The following PCDH15 variants were observed in gnomAD, a reference collection of about 807,000 sequenced individuals.
The protein encoded by PCDH15 is protocadherin-15.
Under a neutral mutation model 178.5 loss-of-function variants are expected in PCDH15, and 129 were observed. That is an observed-to-expected ratio of 0.72 (90% confidence interval 0.63 to 0.84). The LOEUF (loss-of-function observed/expected upper bound fraction) is 0.84, where lower values mean the gene tolerates loss of function less well. PCDH15 is among the 40% of genes least tolerant of loss of function. The probability of loss-of-function intolerance (pLI) is 0.00; values close to 1 mark genes in which losing one functional copy is unlikely to be tolerated. For synonymous variants in PCDH15, 800 were observed against 732.0 expected, an observed-to-expected ratio of 1.09 and a Z score of -1.50; for missense variants, 2,230 against 2,099.9, an observed-to-expected ratio of 1.06 and a Z score of -1.21.
chr10:54,930,193 C>A (rs1591790643), intron 2 of PCDH15, among the ~76,000 whole-genome samples: 1 of 152,142 alleles, frequency 6.6e-6, no homozygotes, highest in African/African-American at 2.4e-5. Context: ...GTAAAAAATC[C>A]ATTTGCATAA....
At chr10:55,506,426 T>C (rs1043772666) in intron 2 of PCDH15, 4 of 151,496 alleles carry the variant, frequency 2.6e-5, no homozygotes, top group Non-Finnish European at 5.9e-5. Context: ...TGGATAATAC[T>C]ATTTGTGTGT....
chr10:54,262,498 C>G (rs2057384414), intron 8 of PCDH15, among the ~76,000 whole-genome samples: 1 of 152,084 alleles, frequency 6.6e-6, no homozygotes. Flanking sequence ...AGTTCACCAC[C>G]CTGTCCCCAA....
At chr10:54,355,759 A>G (rs116007884) in intron 5 of PCDH15, among the ~76,000 whole-genome samples, 1 of 152,202 alleles carries the variant, frequency 6.6e-6, no homozygotes, top group African/African-American at 2.4e-5. Context: ...TGTCAGAAAA[A>G]AATTGGTTCT....
At chr10:54,905,878 G>A (rs945037682) in intron 2 of PCDH15, among the ~76,000 whole-genome samples, 1 of 152,028 alleles carries the variant, frequency 6.6e-6, no homozygotes, top group African/African-American at 2.4e-5. Flanking sequence ...TTTTAATGCA[G>A]CAGATTAACC....
chr10:53,822,120 G>GTCGTTGTTGATAGC lies in PCDH15; in HGVS notation c.4368-1904_4368-1891dup, dbSNP rs1432657780. 9 of 1,613,396 alleles carry GTCGTTGTTGATAGC rather than the reference G, an allele frequency of 5.6e-6. No homozygotes were observed. Among genetic ancestry groups the GTCGTTGTTGATAGC allele is most frequent in the Admixed American group, 1.7e-5 (1 of 59,974 alleles). ...TCTCTGAGGGTCTGTTTTACACACT[G>GTCGTTGTTGATAGC]TCGTTGTTGATAGCTGTGTCATAGA... is the stretch of plus-strand genomic sequence containing the variant. On this transcript the variant is annotated intron_variant, in intron 32 of 37. Transcript: ENST00000644397.
intron 2 of PCDH15, among the ~76,000 whole-genome samples, chr10:55,586,419 G>A (rs1306777359): frequency 6.6e-6 from 1 of 152,062 alleles, no homozygotes; most frequent in Non-Finnish European, 1.5e-5. Context: ...GCCTAGGCCA[G>A]TCTTGTAACT....
At chr10:54,056,657 A>T (rs1009391421) in intron 18 of PCDH15, among the ~76,000 whole-genome samples, 1 of 152,118 alleles carries the variant, frequency 6.6e-6, no homozygotes, top group African/African-American at 2.4e-5. Flanking sequence ...GCCAAACCAT[A>T]TCATCCCATC....
At chr10:54,696,971 G>T (rs2095237195) in intron 1 of PCDH15, among the ~76,000 whole-genome samples, 1 of 151,994 alleles carries the variant, frequency 6.6e-6, no homozygotes. Flanking sequence ...TTTAGAGATG[G>T]TGTATCACTA....
intron 1 of PCDH15, among the ~76,000 whole-genome samples, chr10:54,788,379 A>G (rs1291717174): frequency 2.6e-5 from 4 of 151,908 alleles, no homozygotes; most frequent in African/African-American, 9.7e-5. Context: ...TGAAAGTTCC[A>G]AGAGACAGTT....
chr10:53,981,536 T>A (rs1043511124), intron 21 of PCDH15, among the ~76,000 whole-genome samples: 1 of 151,906 alleles, frequency 6.6e-6, no homozygotes, highest in African/African-American at 2.4e-5. Flanking sequence ...CTATCTGATC[T>A]TTGACAAACC....
chr10:54,870,080 T>A (rs1427859404), intron 3 of PCDH15, among the ~76,000 whole-genome samples: 1 of 152,330 alleles, frequency 6.6e-6, no homozygotes, highest in South Asian at 2.1e-4. Context: ...GACCTGTTTG[T>A]CTATTTCATG....
In PCDH15 at chr10:53,959,783, A is replaced by G. The variant is rs961913475; in HGVS notation, c.3071T>C (p.Ile1024Thr). Residue 1024 changes from isoleucine to threonine, a missense_variant, in exon 23 of 38, where the codon ATT (isoleucine) becomes ACT (threonine). Transcript: ENST00000644397. ...PVMSSSATVK[I>T]LVLHPGEIPR... The stretch of plus-strand genomic sequence containing the variant: ...GATCTCACCAGGATGTAAGACAAGA[A>G]TCTTCACTGTGGCACTGCTGGACAT... 1 of 1,614,146 alleles carries G rather than the reference A, an allele frequency of 6.2e-7. No homozygotes were observed. Among genetic ancestry groups the G allele is most frequent in the Non-Finnish European group, 8.5e-7 (1 of 1,180,006 alleles).
intron 14 of PCDH15, among the ~76,000 whole-genome samples, chr10:54,143,765 T>G (rs2043623315): frequency 6.6e-6 from 1 of 152,232 alleles, no homozygotes; most frequent in African/African-American, 2.4e-5. Context: ...TAGAGTATAC[T>G]TTTGTAAACA....
chr10:54,362,368 T>C (rs1348944613), intron 5 of PCDH15, among the ~76,000 whole-genome samples: 1 of 152,002 alleles, frequency 6.6e-6, no homozygotes, highest in East Asian at 1.9e-4. Context: ...ATTATAAATC[T>C]AAAGTTTGAA....
At chr10:54,656,818 T>G (rs2094414142) in intron 2 of PCDH15, among the ~76,000 whole-genome samples, 1 of 151,714 alleles carries the variant, frequency 6.6e-6, no homozygotes, top group African/African-American at 2.4e-5. Flanking sequence ...CTGAAGGGAG[T>G]GGCACCGGCA....
chr10:54,409,364 A>G (rs765218775), intron 3 of PCDH15, among the ~76,000 whole-genome samples: 26 of 152,140 alleles, frequency 1.7e-4, no homozygotes, highest in Non-Finnish European at 3.4e-4. Flanking sequence ...TGAACTATTT[A>G]TGCCACTTAA....
chr10:55,556,695 T>C (rs2132093698), intron 2 of PCDH15, among the ~76,000 whole-genome samples: 1 of 152,078 alleles, frequency 6.6e-6, no homozygotes, highest in South Asian at 2.1e-4. Flanking sequence ...AAAAATTATT[T>C]GGATGTGGTG....
At chr10:54,108,696 C>G (rs779861317) in intron 15 of PCDH15, among the ~76,000 whole-genome samples, 29 of 152,122 alleles carry the variant, frequency 1.9e-4, no homozygotes, top group Admixed American at 3.9e-4. Flanking sequence ...CTCCCTCAAC[C>G]CCAGGCAGCA....
chr10:55,400,858 T>G (rs1473460781), intron 2 of PCDH15, among the ~76,000 whole-genome samples: 1 of 152,096 alleles, frequency 6.6e-6, no homozygotes, highest in African/African-American at 2.4e-5. Flanking sequence ...CACAACCATG[T>G]GCACTATGAT....
Sources: gnomAD v4.1 joint callset for allele counts (sites outside exome capture counted in the v4.1 genomes callset) on GRCh38, gnomAD v4.1.1 for gene constraint, MANE v1.5 for transcripts, NCBI Gene and HGNC (gene_info 2026-07-23, HGNC 2026-07-21) for gene names.